Variants in STX2 observed in about 807,000 individuals in gnomAD.
The protein encoded by STX2 is syntaxin-2.
STX2 carries 27 observed loss-of-function variants against 40.6 expected under a neutral mutation model. The observed-to-expected ratio is 0.66, with a 90% CI of 0.49 to 0.92. The LOEUF (loss-of-function observed/expected upper bound fraction) is 0.92, where lower values mean the gene tolerates loss of function less well. Among genes scored for constraint, STX2 ranks in the 40% least tolerant of loss-of-function variants. The pLI is 0.00. For synonymous variants in STX2, 123 were observed against 119.1 expected, an observed-to-expected ratio of 1.03 and a Z score of -0.22; for missense variants, 328 against 366.1, an observed-to-expected ratio of 0.90 and a Z score of 0.85.
intron 1 of STX2, among the ~76,000 whole-genome samples, chr12:130,836,754 G>T (rs116442154): frequency 1.3e-5 from 2 of 152,056 alleles, no homozygotes; most frequent in Admixed American, 6.6e-5. Flanking sequence ...CCCATTTCAC[G>T]TACAAGAAAA....
chr12:130,796,241 C>T (rs1449063086), intron 9 of STX2, 121 bp from the exon 10 acceptor site: 7 of 1,308,632 alleles, frequency 5.3e-6, no homozygotes, highest in Non-Finnish European at 7.3e-6. Context: ...CGCCTGTAAT[C>T]TCAGCACTTT....
chr12:130,824,455 A>G lies in STX2; in HGVS notation c.106-2667T>C, dbSNP rs187084784. Among the ~76,000 whole-genome samples the G allele has an allele frequency of 6.2e-4, 94 of 152,320 alleles. 1 individual carries two copies. The Middle Eastern group carries it at 0.014, about 22-fold the overall frequency. On this transcript the variant is annotated intron_variant, in intron 2 of 10. Coordinates refer to ENST00000392373, the MANE Select transcript of STX2 (RefSeq NM_194356.4). ...TTAGAAAGTAAAAGAAAAAAACATTATTTTAACTCTTGGAGAGTTCTGCAA... is the reference window on the plus strand; with the variant it reads ...TTAGAAAGTAAAAGAAAAAAACATTGTTTTAACTCTTGGAGAGTTCTGCAA...
intron 2 of STX2, among the ~76,000 whole-genome samples, 191 bp downstream of exon 2, chr12:130,827,002 C>G (rs1462299009): frequency 1.3e-5 from 2 of 148,174 alleles, no homozygotes; most frequent in Non-Finnish European, 3.0e-5. Flanking sequence ...GAGCAAGACT[C>G]TGTCTCCAAA....
chr12:130,818,185 A>AAAAAAAAAAT, intron 3 of STX2, among the ~76,000 whole-genome samples: 94 of 70,522 alleles, frequency 1.3e-3, no homozygotes, highest in Non-Finnish European at 1.9e-3. Context: ...AAAAAAAAAA[A>AAAAAAAAAAT]ATATATATAT....
rs752175057 is a variant in STX2, at chr12:130,827,186, C to G, written c.105+7G>C. The G allele has an allele frequency of 6.2e-7, 1 of 1,612,256 alleles. No homozygotes were observed. The highest frequency in any genetic ancestry group is 1.1e-5 in the South Asian group (1 of 91,024). On this transcript the variant is annotated splice_region_variant and intron_variant, in intron 2 of 10. Transcript: ENST00000392373. ...GGCTATGATTGGGTTTCATTAAACG[C>G]TCTTACCTGATGGAAGAAATCATCC...
chr12:130,836,636 A>AATT (rs1468496022), intron 1 of STX2, among the ~76,000 whole-genome samples: 3 of 152,150 alleles, frequency 2.0e-5, no homozygotes, highest in South Asian at 4.1e-4. Context: ...TCACACTTAT[A>AATT]ATTACATAGC....
intron 6 of STX2, among the ~76,000 whole-genome samples, chr12:130,805,699 C>T (rs1951406054): frequency 6.6e-6 from 1 of 152,156 alleles, no homozygotes; most frequent in Non-Finnish European, 1.5e-5. Flanking sequence ...AATGCAAGAT[C>T]CCAAAGGCTA....
rs1487600598 is a variant in STX2 at position 130,821,716 on chromosome 12, T to C, written c.178A>G (p.Ile60Val). The change falls in exon 3 of 11, where the codon ATT (isoleucine) becomes GTT (valine). Residue 60 changes from isoleucine (I) to valine (V), a missense_variant. By Grantham distance (29) the Ile-to-Val change is conservative. Coordinates refer to ENST00000392373, the MANE Select transcript of STX2 (RefSeq NM_194356.4). ...VEEVKKNHSI[I>V]LSAPNPEGKI... ...CCTTCCGGGTTTGGTGCAGAAAGAA[T>C]GATGCTGTGGTTTTTCTTTACTTCT... 3.7e-6 allele frequency: 6 copies of C among 1,613,764 alleles called. No individual in the cohort carries two copies. Among genetic ancestry groups the C allele is most frequent in the African/African-American group, 1.3e-5 (1 of 74,930 alleles).
chr12:130,809,109 C>T (rs1045447134), intron 4 of STX2, among the ~76,000 whole-genome samples: 2 of 152,206 alleles, frequency 1.3e-5, no homozygotes, highest in African/African-American at 4.8e-5. Context: ...TCAACTGATC[C>T]GCCTGCCTTG....
At chr12:130,823,567 G>C (rs1225046980) in intron 2 of STX2, among the ~76,000 whole-genome samples, 1 of 152,184 alleles carries the variant, frequency 6.6e-6, no homozygotes, top group South Asian at 2.1e-4. Flanking sequence ...ACAGCAGCTG[G>C]AGTGATGGCT....
intron 7 of STX2, 29 bp from the exon 8 acceptor site, chr12:130,801,319 T>C: frequency 6.2e-7 from 1 of 1,602,530 alleles, no homozygotes; most frequent in African/African-American, 1.3e-5. Context: ...AAAGATAATA[T>C]TAATAAACTT....
At chr12:130,825,805 C>G (rs1367046502) in intron 2 of STX2, among the ~76,000 whole-genome samples, 1 of 152,164 alleles carries the variant, frequency 6.6e-6, no homozygotes, top group Non-Finnish European at 1.5e-5. Context: ...CCATGAGACT[C>G]AGCATAATCA....
intron 2 of STX2, among the ~76,000 whole-genome samples, chr12:130,822,509 C>A (rs546550121): frequency 2.6e-4 from 40 of 152,154 alleles, no homozygotes; most frequent in Middle Eastern, 6.8e-3. Flanking sequence ...TTATCTTTGA[C>A]CTCTAAATGT....
In STX2 at chr12:130,835,890, G is replaced by C. The variant is rs73459545; in HGVS notation, c.30+3180C>G. Among the ~76,000 whole-genome samples, 575 of 151,402 alleles carry C rather than the reference G, an allele frequency of 3.8e-3. 6 individuals are homozygous for C. Among genetic ancestry groups the C allele is most frequent in the African/African-American group, 0.014 (555 of 40,726 alleles). On this transcript the variant is annotated intron_variant, in intron 1 of 10. Coordinates refer to ENST00000392373, the MANE Select transcript of STX2 (RefSeq NM_194356.4). ...TACATCTGTCAGTACAGATTGTATTGAGCAGATTACTCTTTAAGCCCTGTC... is the reference window on the plus strand; with the variant it reads ...TACATCTGTCAGTACAGATTGTATTCAGCAGATTACTCTTTAAGCCCTGTC...
chr12:130,832,322 G>A (rs1195814467), intron 1 of STX2, among the ~76,000 whole-genome samples: 1 of 151,950 alleles, frequency 6.6e-6, no homozygotes, highest in Non-Finnish European at 1.5e-5. Flanking sequence ...AGCCATCCAG[G>A]CTCCTATTGT....
intron 9 of STX2, chr12:130,798,297 C>A: frequency 3.0e-6 from 1 of 338,092 alleles, no homozygotes. Context: ...TGCCACCACA[C>A]CCAGCCCTAG....
chr12:130,831,784 C>G (rs769379854), intron 1 of STX2, among the ~76,000 whole-genome samples: 1 of 151,268 alleles, frequency 6.6e-6, no homozygotes, highest in African/African-American at 2.4e-5. Context: ...TGTATTTTTA[C>G]TAACACTTGT....
intron 3 of STX2, among the ~76,000 whole-genome samples, chr12:130,819,964 C>T (rs777978458): frequency 5.3e-5 from 8 of 152,206 alleles, no homozygotes; most frequent in Non-Finnish European, 1.2e-4. Context: ...TAAACAGAGG[C>T]TCAGAATATT....
intron 9 of STX2, among the ~76,000 whole-genome samples, chr12:130,796,652 C>A (rs1048064640): frequency 2.0e-5 from 3 of 152,134 alleles, no homozygotes; most frequent in African/African-American, 7.2e-5. Context: ...AGGTTTCATC[C>A]ATGGGGACAG....
Sources: gnomAD v4.1 joint callset for allele counts (sites outside exome capture counted in the v4.1 genomes callset) on GRCh38, gnomAD v4.1.1 for gene constraint, MANE v1.5 for transcripts, NCBI Gene and HGNC (gene_info 2026-07-23, HGNC 2026-07-21) for gene names.